PSD4: variants seen among roughly 807,000 people sequenced by gnomAD.
PSD4 encodes the protein PH and SEC7 domain-containing protein 4.
PSD4 carries 59 observed loss-of-function variants against 112.5 expected under a neutral mutation model. The observed-to-expected ratio is 0.52, with a 90% CI of 0.43 to 0.65. The LOEUF is 0.65. PSD4 is among the 30% of genes least tolerant of loss of function. The pLI is 0.00. For synonymous variants in PSD4, 533 were observed against 540.0 expected, an observed-to-expected ratio of 0.99 and a Z score of 0.18; for missense variants, 1,267 against 1,352.6, an observed-to-expected ratio of 0.94 and a Z score of 0.99.
At chr2:113,190,749 C>T (rs1412186136) in intron 5 of PSD4, among the ~76,000 whole-genome samples, 1 of 152,200 alleles carries the variant, frequency 6.6e-6, no homozygotes, top group Non-Finnish European at 1.5e-5. Flanking sequence ...GCCACTGCAC[C>T]CAGCCTGTTA....
In PSD4 at chr2:113,185,863, A is replaced by G; in HGVS notation, c.1250-14A>G. 1 of 1,605,348 alleles carries G rather than the reference A, an allele frequency of 6.2e-7. No homozygotes were observed. On this transcript the variant is annotated splice_polypyrimidine_tract_variant and intron_variant, in intron 4 of 16. Transcript: ENST00000245796. ...TCCTGCCCTGTGCCCGCCTCACTTC[A>G]TGTTCTTCCTCAGATGAGAGGGAGG...
rs1688253008 is a variant in PSD4 at position 113,184,982 on chromosome 2, C to T, written c.1082C>T (p.Ser361Phe). ...GGAGATAGGCTTGGTCCTGCTCCAT[C>T]TGCAGCACCGTGTGTGGACGAAGCA... is the stretch of plus-strand genomic sequence containing the variant. ...SEGDRLGPAP[S>F]AAPCVDEALT... is the part of the protein sequence containing the mutation. The change falls in exon 3 of 17, where the codon TCT becomes TTT. Residue 361 changes from serine to phenylalanine, a missense_variant. Transcript: ENST00000245796. 1.9e-6 allele frequency: 3 copies of T among 1,614,130 alleles called. No individual in the cohort carries two copies. The African/African-American group carries it at 4.0e-5, about 22-fold the overall frequency.
intron 14 of PSD4, chr2:113,198,211 G>C: frequency 7.9e-6 from 3 of 377,450 alleles, no homozygotes; most frequent in Non-Finnish European, 1.4e-5. Context: ...AGTTGCTAAT[G>C]ATTGACCATA....
At position 113,197,764 on chromosome 2, in the gene PSD4, T is replaced by A; in HGVS notation, c.2475T>A (p.Cys825Ter). 1 of 1,610,074 alleles carries A rather than the reference T, an allele frequency of 6.2e-7. No individual in the cohort carries two copies. The highest frequency in any genetic ancestry group is 8.5e-7 in the Non-Finnish European group (1 of 1,176,808). The stretch of plus-strand genomic sequence containing the variant: ...ACTGGTAGCAGGGAGAAGACCACTG[T>A]CTGGAGGGGGAGAGCTTGGTGGGGC... ...LYFLKQGEDH[C>*]LEGESLVGQM... The change falls in exon 14 of 17, where the codon TGT becomes TGA. Residue 825 changes from cysteine to a stop codon, truncating the protein, a stop_gained. Transcript: ENST00000245796. LOFTEE classifies it high-confidence loss of function.
Position 113,186,212 on chromosome 2 carries a change from A to G in PSD4, c.1585A>G (p.Thr529Ala). 6 of 1,607,932 alleles carry G rather than the reference A, an allele frequency of 3.7e-6. No homozygotes were observed. Among genetic ancestry groups the G allele is most frequent in the Non-Finnish European group, 5.1e-6 (6 of 1,176,016 alleles). The change falls in exon 5 of 17, where the codon ACT (threonine) becomes GCT (alanine). Residue 529 changes from threonine to alanine, a missense_variant. By Grantham distance (58) the Thr-to-Ala change is moderately conservative. This residue lies in a region of PSD4 where 723 missense variants were observed against 704.0 expected (regional missense o/e 1.03). Transcript: ENST00000245796. Reference protein sequence around the residue: ...KSEGTARPAETGDVQPDIHLT... With the variant: ...KSEGTARPAEAGDVQPDIHLT... Reference sequence around the variant, plus strand: ...TGAAGGAACAGCCAGGCCTGCAGAGACTGGAGACGTCCAGCCTGACATTCA... The same window carrying G: ...TGAAGGAACAGCCAGGCCTGCAGAGGCTGGAGACGTCCAGCCTGACATTCA...
In PSD4 at chr2:113,185,361, A is replaced by G; in HGVS notation, c.1174-4A>G. Reference sequence around the variant, plus strand: ...CATGGGAATGCCTTTGCCTCTCTCAACAGGCCTCTCTCAGCCCTGAGGGCT... The same window carrying G: ...CATGGGAATGCCTTTGCCTCTCTCAGCAGGCCTCTCTCAGCCCTGAGGGCT... On this transcript the variant is annotated splice_region_variant and splice_polypyrimidine_tract_variant and intron_variant, in intron 3 of 16. Coordinates refer to ENST00000245796, the MANE Select transcript of PSD4 (RefSeq NM_012455.3). 1 of 1,614,064 alleles carries G rather than the reference A, an allele frequency of 6.2e-7. No individual in the cohort carries two copies. Among genetic ancestry groups the G allele is most frequent in the Non-Finnish European group, 8.5e-7 (1 of 1,179,986 alleles).
At chr2:113,188,734 C>A (rs1159676517) in intron 5 of PSD4, among the ~76,000 whole-genome samples, 24 of 152,272 alleles carry the variant, frequency 1.6e-4, no homozygotes, top group Non-Finnish European at 2.8e-4. Flanking sequence ...GCGCCCGCCA[C>A]TGCGCCCGGC....
rs1688855405 is a variant in PSD4, at chr2:113,205,935, A to G, written c.*4520A>G. The G allele has an allele frequency of 6.6e-6, 1 of 152,094 alleles. No individual in the cohort carries two copies. Among genetic ancestry groups the G allele is most frequent in the African/African-American group, 2.4e-5 (1 of 41,314 alleles). The allele number at this position is 152,094 out of a possible 1,614,324, so 9.4% of individuals were successfully genotyped here. On this transcript the variant is annotated 3_prime_UTR_variant, in exon 17 of 17. Coordinates refer to ENST00000245796, the MANE Select transcript of PSD4 (RefSeq NM_012455.3). ...CTGCCCCTCAGCTTTTCTGATGCCCATGCCCCCTCACCAGCTAACTGTGGC... is the reference window on the plus strand; with the variant it reads ...CTGCCCCTCAGCTTTTCTGATGCCCGTGCCCCCTCACCAGCTAACTGTGGC...
chr2:113,191,718 G>C (rs530657754), intron 5 of PSD4, among the ~76,000 whole-genome samples: 10 of 152,338 alleles, frequency 6.6e-5, no homozygotes, highest in African/African-American at 2.4e-4. Context: ...GTTTAGATTG[G>C]ATTGAGTGAC....
rs1017485625 is a variant in PSD4 at position 113,185,858 on chromosome 2, A to C, written c.1250-19A>C. 1 of 1,603,100 alleles carries C rather than the reference A, an allele frequency of 6.2e-7. No individual in the cohort carries two copies. Among genetic ancestry groups the C allele is most frequent in the African/African-American group, 1.3e-5 (1 of 74,824 alleles). ...CTGCCTCCTGCCCTGTGCCCGCCTC[A>C]CTTCATGTTCTTCCTCAGATGAGAG... On this transcript the variant is annotated intron_variant, in intron 4 of 16. Coordinates refer to ENST00000245796, the MANE Select transcript of PSD4 (RefSeq NM_012455.3).
chr2:113,201,258 G>A lies in PSD4; in HGVS notation c.3014G>A (p.Gly1005Glu), dbSNP rs1276452078. 6.2e-7 allele frequency: 1 copy of A among 1,614,166 alleles called. No homozygotes were observed. The highest frequency in any genetic ancestry group is 2.2e-5 in the East Asian group (1 of 44,884). ...LWEEQLGREAGGTREPKLSLK... is the reference protein window; with the variant it reads ...LWEEQLGREAEGTREPKLSLK... ...GAGGAGCAGCTGGGGAGGGAAGCTG[G>A]AGGCACTCGGGAGCCCAAGCTCAGC... The change falls in exon 17 of 17, where the codon GGA (glycine) becomes GAA (glutamate). Residue 1005 changes from glycine to glutamate, a missense_variant. This residue lies in a region of PSD4 where 544 missense variants were observed against 648.6 expected (regional missense o/e 0.84). Coordinates refer to ENST00000245796, the MANE Select transcript of PSD4 (RefSeq NM_012455.3).
At position 113,199,162 on chromosome 2, in the gene PSD4, A is replaced by AGCGGCGGGGCCGTG; in HGVS notation, c.2852_2865dup (p.Arg956GlyfsTer64). 6.6e-7 allele frequency: 1 copy of AGCGGCGGGGCCGTG among 1,525,104 alleles called. No individual in the cohort carries two copies. Among genetic ancestry groups the AGCGGCGGGGCCGTG allele is most frequent in the Non-Finnish European group, 8.8e-7 (1 of 1,138,794 alleles). The allele number at this position is 1,525,104 out of a possible 1,614,324, so 94.5% of individuals were successfully genotyped here. A position where few individuals can be genotyped will look rare whatever the true frequency, so the allele number is the denominator to read the frequency against. ...CTGGATCTACAGAGGAACCTGCCGG[A>AGCGGCGGGGCCGTG]GCGGCGGGGCCGTGGCCGCGAGCTG... On this transcript the variant is annotated frameshift_variant, in exon 16 of 17. Coordinates refer to ENST00000245796, the MANE Select transcript of PSD4 (RefSeq NM_012455.3). LOFTEE classifies it high-confidence loss of function.
Position 113,183,008 on chromosome 2 carries a change from G to GAA in PSD4, c.554_555dup (p.Cys186AsnfsTer42). 1 of 1,614,102 alleles carries GAA rather than the reference G, an allele frequency of 6.2e-7. No individual in the cohort carries two copies. The highest frequency in any genetic ancestry group is 1.3e-5 in the African/African-American group (1 of 75,048). ...AGACGGAAGGGCTCAAGGCTGGGCT[G>GAA]AAATGCTGTCTCCCCACGCCCCCTG... is the stretch of plus-strand genomic sequence containing the variant. On this transcript the variant is annotated frameshift_variant, in exon 2 of 17. Transcript: ENST00000245796. LOFTEE classifies it high-confidence loss of function.
At chr2:113,197,381 C>G (rs991510401) in intron 12 of PSD4, 183 bp from the exon 13 acceptor site, 1 of 683,064 alleles carries the variant, frequency 1.5e-6, no homozygotes. Context: ...TGGAGAGACT[C>G]TATATGTTTG....
chr2:113,176,903 C>T (rs1457400372), intron 1 of PSD4, among the ~76,000 whole-genome samples: 2 of 152,274 alleles, frequency 1.3e-5, no homozygotes, highest in South Asian at 2.1e-4. Flanking sequence ...CCTGGGTGAC[C>T]GGTAGGACTG....
Position 113,206,216 on chromosome 2 carries a change from T to C in PSD4, c.*4801T>C, listed in dbSNP as rs1238381980. 1 of 152,344 alleles carries C rather than the reference T, an allele frequency of 6.6e-6. No individual in the cohort carries two copies. Among genetic ancestry groups the C allele is most frequent in the Non-Finnish European group, 1.5e-5 (1 of 68,084 alleles). The allele number at this position is 152,344 out of a possible 1,614,324, so 9.4% of individuals were successfully genotyped here. ...CTCTCTTGCTTTCCATAGCTGACCC[T>C]GGCTTCCCTGCTTTCTGTGATGAAT... On this transcript the variant is annotated 3_prime_UTR_variant, in exon 17 of 17. Coordinates refer to ENST00000245796, the MANE Select transcript of PSD4 (RefSeq NM_012455.3).
chr2:113,183,608 A>T, intron 2 of PSD4, 96 bp downstream of exon 2: 2 of 1,203,924 alleles, frequency 1.7e-6, no homozygotes. Context: ...TTCTTTTCTG[A>T]CGCTAAGAGC....
At chr2:113,185,679 T>C (rs1688278028) in intron 4 of PSD4, 198 bp from the exon 5 acceptor site, 1 of 1,548,076 alleles carries the variant, frequency 6.5e-7, no homozygotes. Flanking sequence ...CCTGAGCCCT[T>C]AGTTGCCTGG....
intron 5 of PSD4, among the ~76,000 whole-genome samples, chr2:113,190,881 T>G (rs939637536): frequency 5.9e-5 from 9 of 152,262 alleles, no homozygotes; most frequent in African/African-American, 2.2e-4. Flanking sequence ...ACTATAAGAT[T>G]TAAATAAACT....
Sources: gnomAD v4.1 joint callset for allele counts (sites outside exome capture counted in the v4.1 genomes callset) on GRCh38, gnomAD v4.1.1 for gene constraint, gnomAD v4.1.1 regional missense constraint, MANE v1.5 for transcripts, NCBI Gene and HGNC (gene_info 2026-07-23, HGNC 2026-07-21) for gene names.